Variants in TET1 observed in about 807,000 individuals in gnomAD.
TET1 encodes the protein tet methylcytosine dioxygenase 1.
TET1 carries 13 observed loss-of-function variants against 148.7 expected under a neutral mutation model. The ratio of observed to expected loss-of-function variants is 0.09; its 90% CI spans 0.06 to 0.14. The LOEUF (loss-of-function observed/expected upper bound fraction) is 0.14, where lower values mean the gene tolerates loss of function less well. Ranked by LOEUF, TET1 falls within the 10% of genes least tolerant of loss-of-function variation. The pLI, the probability that TET1 is intolerant of heterozygous loss-of-function variation, is 1.00. For missense variants in TET1, 2,182 were observed against 2,553.8 expected, an observed-to-expected ratio of 0.85 and a Z score of 3.14; for synonymous variants, 907 against 937.2, an observed-to-expected ratio of 0.97 and a Z score of 0.59.
At chr10:68,642,175 C>A (rs182157593) in intron 3 of TET1, among the ~76,000 whole-genome samples, 2 of 152,128 alleles carry the variant, frequency 1.3e-5, no homozygotes, top group African/African-American at 4.8e-5. Context: ...AGTCTGTAGT[C>A]CCAGCTTCTC....
intron 2 of TET1, among the ~76,000 whole-genome samples, chr10:68,583,599 C>T (rs2053826180): frequency 6.6e-6 from 1 of 152,148 alleles, no homozygotes; most frequent in African/African-American, 2.4e-5. Context: ...CTGATGTTCT[C>T]CTGCAGAGAG....
In TET1 at chr10:68,683,571, C is replaced by T. The variant is rs546701441; in HGVS notation, c.5052+598C>T. The stretch of plus-strand genomic sequence containing the variant: ...GGGATTACAGGTGTGAGTCACCACG[C>T]CCAGCCAATTTTTTGTATTTTTAGT... On this transcript the variant is annotated intron_variant, in intron 10 of 11. Transcript: ENST00000373644. Among the ~76,000 whole-genome samples the T allele has an allele frequency of 2.6e-5, 4 of 152,140 alleles. No individual in the cohort carries two copies. The East Asian group carries it at 7.8e-4, about 30-fold the overall frequency.
chr10:68,618,948 C>T (rs1366449851), intron 3 of TET1, among the ~76,000 whole-genome samples: 2 of 152,044 alleles, frequency 1.3e-5, no homozygotes, highest in African/African-American at 2.4e-5. Flanking sequence ...GCTTGGGTGA[C>T]AGAATTAGAC....
intron 2 of TET1, among the ~76,000 whole-genome samples, chr10:68,595,957 T>TAC (rs2053977947): frequency 2.4e-5 from 1 of 40,854 alleles, no homozygotes; most frequent in Non-Finnish European, 4.6e-5. Flanking sequence ...TATATATATA[T>TAC]ATATACACAC....
At chr10:68,617,538 T>TG (rs2054311206) in intron 3 of TET1, among the ~76,000 whole-genome samples, 1 of 152,070 alleles carries the variant, frequency 6.6e-6, no homozygotes, top group Admixed American at 6.6e-5. Context: ...TCTTTGTTTT[T>TG]TTTGTTTGTT....
chr10:68,659,846 C>T (rs949892653), intron 6 of TET1, among the ~76,000 whole-genome samples: 4 of 152,172 alleles, frequency 2.6e-5, no homozygotes, highest in African/African-American at 9.7e-5. Flanking sequence ...CAGATCAAGA[C>T]ATTACCAAAA....
chr10:68,569,366 G>A (rs981062345), intron 1 of TET1, among the ~76,000 whole-genome samples: 5 of 151,716 alleles, frequency 3.3e-5, no homozygotes, highest in Admixed American at 6.6e-5. Flanking sequence ...AGTAGAGATG[G>A]GGTTTCACCG....
rs114217607 is a variant in TET1, at chr10:68,622,265, C to T, written c.1968+21231C>T. The stretch of plus-strand genomic sequence containing the variant: ...TCCCTCCCTCCCTCCTTCCCTCTCT[C>T]CCTCTTCCCTCTTTGGACAAGGCCT... On this transcript the variant is annotated intron_variant, in intron 3 of 11. Coordinates refer to ENST00000373644, the MANE Select transcript of TET1 (RefSeq NM_030625.3). Among the ~76,000 whole-genome samples, 490 of 138,546 alleles carry T rather than the reference C, an allele frequency of 3.5e-3. 6 individuals carry two copies. Among genetic ancestry groups the T allele is most frequent in the African/African-American group, 0.012 (476 of 38,104 alleles). 90.9% of individuals were successfully genotyped at this position (138,546 alleles called of 152,430 possible). A position where few individuals can be genotyped will look rare whatever the true frequency, so the allele number is the denominator to read the frequency against.
chr10:68,623,672 A>G (rs1452707204), intron 3 of TET1, among the ~76,000 whole-genome samples: 3 of 152,224 alleles, frequency 2.0e-5, no homozygotes, highest in African/African-American at 7.2e-5. Context: ...CATAATTAGT[A>G]AAATCCAGCA....
At chr10:68,561,727 C>A (rs1309831738) in intron 1 of TET1, among the ~76,000 whole-genome samples, 1 of 142,584 alleles carries the variant, frequency 7.0e-6, no homozygotes, top group Non-Finnish European at 1.5e-5. Flanking sequence ...CGGTCCCCGC[C>A]TCTCTCGCCC....
chr10:68,588,485 A>AT (rs991230322), intron 2 of TET1, among the ~76,000 whole-genome samples: 5 of 152,298 alleles, frequency 3.3e-5, no homozygotes, highest in East Asian at 1.9e-4. Context: ...GTATGTGTTC[A>AT]TTTTAGTCAC....
intron 3 of TET1, among the ~76,000 whole-genome samples, chr10:68,642,263 C>CA (rs947985575): frequency 1.3e-5 from 2 of 151,988 alleles, no homozygotes; most frequent in African/African-American, 4.8e-5. Context: ...CCTGTCTCTA[C>CA]AAAAAATAGG....
intron 1 of TET1, among the ~76,000 whole-genome samples, chr10:68,562,730 G>T (rs750558712): frequency 7.1e-6 from 1 of 141,140 alleles, no homozygotes; most frequent in Non-Finnish European, 1.6e-5. Context: ...GGAGGGTTGG[G>T]TCTCCACTGT....
intron 6 of TET1, among the ~76,000 whole-genome samples, chr10:68,659,898 A>G (rs1295040705): frequency 2.0e-4 from 31 of 152,292 alleles, no homozygotes; most frequent in Non-Finnish European, 2.8e-4. Flanking sequence ...TAATCCCTTT[A>G]CAAAGGTGGA....
At chr10:68,668,627 T>C (rs1018994843) in intron 7 of TET1, among the ~76,000 whole-genome samples, 1 of 152,244 alleles carries the variant, frequency 6.6e-6, no homozygotes, top group South Asian at 2.1e-4. Flanking sequence ...GTCACCAGGC[T>C]GGAGTGCGGT....
chr10:68,634,393 T>C (rs7905518), intron 3 of TET1, among the ~76,000 whole-genome samples: 73,358 of 152,040 alleles, frequency 0.48, 18,839 homozygotes, highest in Non-Finnish European at 0.58. Context: ...TTTGATAATC[T>C]GTACAATCTA....
intron 4 of TET1, among the ~76,000 whole-genome samples, chr10:68,649,221 A>T (rs2054894753): frequency 6.6e-6 from 1 of 152,222 alleles, no homozygotes; most frequent in Admixed American, 6.5e-5. Flanking sequence ...CTATCCAGTA[A>T]CTGAACTGGG....
Position 68,647,791 on chromosome 10 carries a change from C to T in TET1, c.4276+786C>T, listed in dbSNP as rs545741151. Among the ~76,000 whole-genome samples the T allele has an allele frequency of 3.3e-5, 5 of 152,198 alleles. No individual in the cohort carries two copies. The South Asian group carries it at 1.0e-3, about 32-fold the overall frequency. Reference sequence around the variant, plus strand: ...TAAGAAATATATAGCTGGCAGTTGCCGTCCTACTCTAGAATTGAAGCTGGT... The same window carrying T: ...TAAGAAATATATAGCTGGCAGTTGCTGTCCTACTCTAGAATTGAAGCTGGT... On this transcript the variant is annotated intron_variant, in intron 4 of 11. Coordinates refer to ENST00000373644, the MANE Select transcript of TET1 (RefSeq NM_030625.3).
At chr10:68,595,955 T>TAC (rs2053977674) in intron 2 of TET1, among the ~76,000 whole-genome samples, 2 of 33,456 alleles carry the variant, frequency 6.0e-5, no homozygotes, top group Admixed American at 9.2e-4. Context: ...TATATATATA[T>TAC]ATATATACAC....
Sources: allele counts gnomAD v4.1 joint callset (sites outside exome capture counted in the v4.1 genomes callset), GRCh38; gene constraint gnomAD v4.1.1; transcripts MANE v1.5; gene names NCBI Gene and HGNC (gene_info 2026-07-23, HGNC 2026-07-21).